FOXP1: variants seen among roughly 807,000 people sequenced by gnomAD.
The protein encoded by FOXP1 is forkhead box P1.
FOXP1 carries 15 observed loss-of-function variants against 98.2 expected under a neutral mutation model. The observed-to-expected ratio is 0.15, with a 90% CI of 0.10 to 0.24. The LOEUF is 0.24. Ranked by LOEUF, FOXP1 falls within the 10% of genes least tolerant of loss-of-function variation. The probability of loss-of-function intolerance (pLI) is 1.00; values close to 1 mark genes in which losing one functional copy is unlikely to be tolerated. For missense variants in FOXP1, 633 were observed against 848.5 expected (o/e 0.75, Z 3.15); for synonymous variants, 371 against 314.5 (o/e 1.18, Z -1.90).
At chr3:71,074,028 G>A (rs1364097913) in intron 7 of FOXP1, among the ~76,000 whole-genome samples, 6 of 152,176 alleles carry the variant, frequency 3.9e-5, no homozygotes, top group Admixed American at 6.5e-5. Context: ...CCTGGCACAG[G>A]ATTTGACAAA....
At chr3:71,105,260 T>C (rs1265560209) in intron 7 of FOXP1, among the ~76,000 whole-genome samples, 1 of 152,104 alleles carries the variant, frequency 6.6e-6, no homozygotes, top group Non-Finnish European at 1.5e-5. Context: ...CCAGCAAGGG[T>C]CCGACAGTGT....
intron 5 of FOXP1, among the ~76,000 whole-genome samples, chr3:71,270,189 G>A (rs1305431977): frequency 3.3e-5 from 5 of 152,096 alleles, no homozygotes; most frequent in African/African-American, 4.8e-5. Context: ...TATTATGTTC[G>A]GTGCCAGGCA....
At chr3:71,508,403 C>T (rs1003898446) in intron 2 of FOXP1, among the ~76,000 whole-genome samples, 18 of 152,182 alleles carry the variant, frequency 1.2e-4, no homozygotes, top group Admixed American at 2.0e-4. Context: ...GCTAGGCAGG[C>T]GCTGGGCTCG....
chr3:71,140,122 C>T (rs1461310864), intron 6 of FOXP1, among the ~76,000 whole-genome samples: 2 of 152,024 alleles, frequency 1.3e-5, no homozygotes, highest in Non-Finnish European at 2.9e-5. Context: ...GTTGAGTACT[C>T]CTTATCCAAA....
chr3:71,231,032 G>A (rs1301911490), intron 5 of FOXP1, among the ~76,000 whole-genome samples: 2 of 152,156 alleles, frequency 1.3e-5, no homozygotes, highest in South Asian at 4.1e-4. Context: ...TTAATCATAA[G>A]AAGGGGAAAA....
intron 10 of FOXP1, among the ~76,000 whole-genome samples, chr3:71,045,722 C>T (rs1340441073): frequency 6.6e-6 from 1 of 152,182 alleles, no homozygotes; most frequent in East Asian, 1.9e-4. Context: ...CAAAATCAGC[C>T]TCATAAGGGA....
chr3:71,075,571 T>C (rs775674304), intron 7 of FOXP1, among the ~76,000 whole-genome samples: 1 of 152,176 alleles, frequency 6.6e-6, no homozygotes, highest in African/African-American at 2.4e-5. Context: ...CCAAGAATCA[T>C]CTACAAGAGG....
intron 5 of FOXP1, among the ~76,000 whole-genome samples, chr3:71,284,332 A>G (rs1168663403): frequency 6.6e-6 from 1 of 152,208 alleles, no homozygotes; most frequent in Non-Finnish European, 1.5e-5. Flanking sequence ...TGCGAGGCCA[A>G]GACGGGCAGA....
At chr3:71,535,816 T>C (rs2044245323) in intron 2 of FOXP1, among the ~76,000 whole-genome samples, 1 of 152,174 alleles carries the variant, frequency 6.6e-6, no homozygotes, top group Non-Finnish European at 1.5e-5. Context: ...CTCTGAGATA[T>C]GGCGGCATCC....
chr3:71,465,717 A>C (rs1456191270), intron 3 of FOXP1, among the ~76,000 whole-genome samples: 2 of 152,186 alleles, frequency 1.3e-5, no homozygotes, highest in East Asian at 3.9e-4. Flanking sequence ...CATCTAAGCT[A>C]GGGGTCCTTA....
intron 4 of FOXP1, among the ~76,000 whole-genome samples, chr3:71,337,992 A>G (rs1158480773): frequency 1.3e-5 from 2 of 152,198 alleles, no homozygotes; most frequent in African/African-American, 4.8e-5. Context: ...CACAGTCATC[A>G]TACCTCTGTA....
chr3:71,017,915 G>A (rs749138008), intron 11 of FOXP1, among the ~76,000 whole-genome samples: 3 of 152,020 alleles, frequency 2.0e-5, no homozygotes, highest in African/African-American at 4.8e-5. Context: ...GCTACATGCC[G>A]AGCACACTCT....
rs1161079789 is a variant in FOXP1, at chr3:71,538,534, TTCA to T, written c.-298+43012_-298+43014del. Among the ~76,000 whole-genome samples the T allele has an allele frequency of 2.0e-5, 3 of 152,244 alleles. No homozygotes were observed. In the East Asian group the frequency reaches 5.8e-4, roughly 29 times the overall value. On this transcript the variant is annotated intron_variant, in intron 2 of 20. Coordinates refer to ENST00000649528, the MANE Select transcript of FOXP1 (RefSeq NM_001349338.3). ...GCTGAAAAACACTGCATTGCAAACA[TTCA>T]TCACATTTTGTTGATCCACCAGTTG...
At chr3:71,437,704 A>G (rs1266758640) in intron 3 of FOXP1, among the ~76,000 whole-genome samples, 1 of 152,170 alleles carries the variant, frequency 6.6e-6, no homozygotes, top group Admixed American at 6.5e-5. Context: ...AGGAGCATGA[A>G]CTTCCGAGTC....
intron 7 of FOXP1, among the ~76,000 whole-genome samples, chr3:71,094,495 C>G (rs2056264865): frequency 6.6e-6 from 1 of 151,996 alleles, no homozygotes; most frequent in Non-Finnish European, 1.5e-5. Flanking sequence ...GATCTTTCCC[C>G]AACCATTAAA....
At position 71,501,117 on chromosome 3, in the gene FOXP1, G is replaced by A. The variant is rs543510895; in HGVS notation, c.-297-7562C>T. ...TGAGGTGGGAGAATTGCTTGAATCC[G>A]GGAGGCAGAGGTTGTAGTGAGCCCA... is the stretch of plus-strand genomic sequence containing the variant. On this transcript the variant is annotated intron_variant, in intron 2 of 20. Coordinates refer to ENST00000649528, the MANE Select transcript of FOXP1 (RefSeq NM_001349338.3). 1.5e-3 allele frequency among the ~76,000 whole-genome samples: 221 copies of A among 152,074 alleles called. 1 individual carries two copies. In the Middle Eastern group the frequency reaches 0.027, roughly 19 times the overall value.
intron 2 of FOXP1, among the ~76,000 whole-genome samples, chr3:71,576,609 T>C (rs1346970748): frequency 6.6e-6 from 1 of 152,246 alleles, no homozygotes; most frequent in Admixed American, 6.5e-5. Flanking sequence ...CTTTAAGTAC[T>C]CAGACTGAAG....
chr3:70,983,431 A>G lies in FOXP1; in HGVS notation c.1146+4563T>C, dbSNP rs975032895. On this transcript the variant is annotated intron_variant, in intron 14 of 20. Transcript: ENST00000649528. Reference sequence around the variant, plus strand: ...CCCAAATGATCCTTGAAGAGTTAAAAGACCCTTTCTTTTCGGGGGGGCACT... The same window carrying G: ...CCCAAATGATCCTTGAAGAGTTAAAGGACCCTTTCTTTTCGGGGGGGCACT... Among the ~76,000 whole-genome samples the G allele has an allele frequency of 4.6e-4, 70 of 152,316 alleles. 1 individual carries two copies. The highest frequency in any genetic ancestry group is 3.5e-3 in the Admixed American group (54 of 15,302).
chr3:71,165,238 A>AT (rs1329092058), intron 6 of FOXP1, among the ~76,000 whole-genome samples: 4 of 103,404 alleles, frequency 3.9e-5, no homozygotes, highest in South Asian at 4.1e-4. Context: ...ATTGAAAGCT[A>AT]TTTTTTTGTA....
Sources: gnomAD v4.1 joint callset for allele counts (sites outside exome capture counted in the v4.1 genomes callset) on GRCh38, gnomAD v4.1.1 for gene constraint, MANE v1.5 for transcripts, NCBI Gene and HGNC (gene_info 2026-07-23, HGNC 2026-07-21) for gene names.